The following NRG1 variants were observed in gnomAD, a reference collection of about 807,000 sequenced individuals.
The protein encoded by NRG1 is pro-neuregulin-1, membrane-bound isoform.
In NRG1, 18 loss-of-function variants were observed where a neutral mutation model predicts 63.8. That is an observed-to-expected ratio of 0.28 (90% CI 0.19 to 0.42). The LOEUF (loss-of-function observed/expected upper bound fraction) is 0.42, where lower values mean the gene tolerates loss of function less well. Among genes scored for constraint, NRG1 ranks in the 10% least tolerant of loss-of-function variants. NRG1 has a pLI of 1.00. For missense variants in NRG1, 762 were observed against 814.7 expected, an observed-to-expected ratio of 0.94 and a Z score of 0.79; for synonymous variants, 302 against 301.3, an observed-to-expected ratio of 1.00 and a Z score of -0.02.
At chr8:32,557,305 C>G (rs1223028412) in intron 1 of NRG1, among the ~76,000 whole-genome samples, 4 of 152,206 alleles carry the variant, frequency 2.6e-5, no homozygotes, top group South Asian at 2.1e-4. Context: ...CTGCGCCCAG[C>G]AAGTAGGCAT....
chr8:32,740,026 T>C (rs1287499494), intron 6 of NRG1, among the ~76,000 whole-genome samples: 2 of 152,132 alleles, frequency 1.3e-5, no homozygotes, highest in Non-Finnish European at 2.9e-5. Context: ...ATAGTCCTGG[T>C]AGAGAAACAA....
At chr8:31,652,257 A>C (rs1455770999) in intron 1 of NRG1, among the ~76,000 whole-genome samples, 2 of 152,196 alleles carry the variant, frequency 1.3e-5, no homozygotes, top group Non-Finnish European at 2.9e-5. Flanking sequence ...CAAATCTCAG[A>C]TTCGTCCCGT....
chr8:32,382,918 T>C (rs1587248102), intron 1 of NRG1, among the ~76,000 whole-genome samples: 3 of 152,182 alleles, frequency 2.0e-5, no homozygotes, highest in South Asian at 4.2e-4. Context: ...ATAAAAATAA[T>C]ATGAAAACTT....
chr8:31,907,206 T>G (rs1832589998), intron 1 of NRG1, among the ~76,000 whole-genome samples: 1 of 136,586 alleles, frequency 7.3e-6, no homozygotes, highest in African/African-American at 2.9e-5. Context: ...AGTGAAAGAA[T>G]ATGATGAACT....
intron 1 of NRG1, among the ~76,000 whole-genome samples, chr8:32,058,530 A>G (rs964182669): frequency 6.6e-6 from 1 of 152,052 alleles, no homozygotes; most frequent in African/African-American, 2.4e-5. Flanking sequence ...TATTTTCCTC[A>G]GTGGCATTCT....
At chr8:32,229,849 T>C (rs1305606700) in intron 1 of NRG1, among the ~76,000 whole-genome samples, 8 of 138,574 alleles carry the variant, frequency 5.8e-5, no homozygotes, top group Non-Finnish European at 1.3e-4. Context: ...ATTTTTTCAT[T>C]TTTTTTTCTT....
intron 1 of NRG1, among the ~76,000 whole-genome samples, chr8:32,340,384 A>G (rs552611215): frequency 6.6e-6 from 1 of 152,282 alleles, no homozygotes; most frequent in South Asian, 2.1e-4. Context: ...CCTAGAGGGC[A>G]AAACAGCCTC....
intron 5 of NRG1, among the ~76,000 whole-genome samples, chr8:32,631,460 T>A (rs1647548176): frequency 6.6e-6 from 1 of 152,194 alleles, no homozygotes; most frequent in Non-Finnish European, 1.5e-5. Flanking sequence ...GCTGCTGGGG[T>A]AAGCGACACA....
At chr8:32,769,572 G>A (rs779924846), downstream of NRG1, among the ~76,000 whole-genome samples, 2 of 152,126 alleles carry the variant, frequency 1.3e-5, no homozygotes, top group East Asian at 1.9e-4. Flanking sequence ...TGGAAGGAGT[G>A]GAAAGTTTCG....
At chr8:31,777,156 T>G (rs2131596848) in intron 1 of NRG1, among the ~76,000 whole-genome samples, 1 of 152,338 alleles carries the variant, frequency 6.6e-6, no homozygotes, top group East Asian at 1.9e-4. Flanking sequence ...CTTAAAGATT[T>G]GACTACTGGA....
chr8:32,351,297 C>A (rs1440586544), intron 1 of NRG1, among the ~76,000 whole-genome samples: 6 of 152,130 alleles, frequency 3.9e-5, no homozygotes, highest in Admixed American at 3.3e-4. Flanking sequence ...TCATGAAACC[C>A]TGTCAGGCCT....
In NRG1 at chr8:31,639,473, G is replaced by A. The variant is rs1434021013; in HGVS notation, c.37+42G>A. On this transcript the variant is annotated intron_variant, in intron 1 of 10. Transcript: ENST00000519301. Reference sequence around the variant, plus strand: ...GGCGCAGGACGCTGTCGCCGCCGCGGCCACCCAGCGATTTCCAGGCACGCA... The same window carrying A: ...GGCGCAGGACGCTGTCGCCGCCGCGACCACCCAGCGATTTCCAGGCACGCA... 11 of 1,531,438 alleles carry A rather than the reference G, an allele frequency of 7.2e-6. 1 individual carries two copies. In the South Asian group the frequency reaches 9.6e-5, roughly 13 times the overall value. 94.9% of individuals were successfully genotyped at this position (1,531,438 alleles called of 1,614,324 possible).
At chr8:32,466,757 T>C (rs189229266) in intron 1 of NRG1, among the ~76,000 whole-genome samples, 21 of 152,284 alleles carry the variant, frequency 1.4e-4, no homozygotes, top group Non-Finnish European at 1.9e-4. Context: ...CTTGCTACTT[T>C]TTCTGCTTGG....
intron 1 of NRG1, among the ~76,000 whole-genome samples, chr8:32,163,878 G>A (rs773251102): frequency 3.3e-5 from 5 of 152,106 alleles, no homozygotes; most frequent in Non-Finnish European, 7.4e-5. Context: ...TGCAGGCTTG[G>A]GTTTCTGTCC....
chr8:31,925,866 T>C (rs1391545996), intron 1 of NRG1, among the ~76,000 whole-genome samples: 1 of 152,226 alleles, frequency 6.6e-6, no homozygotes, highest in African/African-American at 2.4e-5. Flanking sequence ...TAAAAAGTAA[T>C]ATGAATAACA....
intron 1 of NRG1, among the ~76,000 whole-genome samples, chr8:32,005,102 GGAAGGGAGGAAGAAA>G (rs1813549485): frequency 6.6e-6 from 1 of 151,534 alleles, no homozygotes; most frequent in Middle Eastern, 3.4e-3. Context: ...AAGGAAAAAG[GGAAGGGAGGAAGAAA>G]GAAGGGAGGG....
intron 5 of NRG1, among the ~76,000 whole-genome samples, chr8:32,643,828 A>G (rs1372989336): frequency 6.6e-6 from 1 of 152,162 alleles, no homozygotes; most frequent in East Asian, 1.9e-4. Flanking sequence ...TGGAAACTAG[A>G]TCCTTTTAAG....
At chr8:32,366,693 A>G (rs201598767) in intron 1 of NRG1, among the ~76,000 whole-genome samples, 128 of 89,926 alleles carry the variant, frequency 1.4e-3, no homozygotes, top group East Asian at 7.1e-3. Flanking sequence ...ATATATATAT[A>G]TATATATATA....
At chr8:32,049,475 G>A (rs541910739) in intron 1 of NRG1, among the ~76,000 whole-genome samples, 12 of 152,050 alleles carry the variant, frequency 7.9e-5, no homozygotes, top group African/African-American at 2.7e-4. Context: ...TTTTGATAAG[G>A]TGTCACAGAT....
Sources: gnomAD v4.1 joint callset for allele counts (sites outside exome capture counted in the v4.1 genomes callset) on GRCh38, gnomAD v4.1.1 for gene constraint, MANE v1.5 for transcripts, NCBI Gene and HGNC (gene_info 2026-07-23, HGNC 2026-07-21) for gene names.